The following UBR2 variants were observed in gnomAD, a reference collection of about 807,000 sequenced individuals.
UBR2 encodes E3 ubiquitin-protein ligase UBR2.
In UBR2, 92 loss-of-function variants were observed where a neutral mutation model predicts 247.9. That is an observed-to-expected ratio of 0.37 (90% CI 0.31 to 0.44). The LOEUF (loss-of-function observed/expected upper bound fraction) is 0.44, where lower values mean the gene tolerates loss of function less well. Among genes scored for constraint, UBR2 ranks in the 20% least tolerant of loss-of-function variants. The pLI is 1.00. For synonymous variants in UBR2, 672 were observed against 693.5 expected (o/e 0.97, Z 0.49); for missense variants, 1,613 against 2,112.6 (o/e 0.76, Z 4.64).
At chr6:42,589,475 G>C (rs987230664) in intron 2 of UBR2, among the ~76,000 whole-genome samples, 2 of 152,082 alleles carry the variant, frequency 1.3e-5, no homozygotes, top group African/African-American at 4.8e-5. Flanking sequence ...TTCTTGAATT[G>C]TCTATATCTG....
chr6:42,667,624 C>T (rs1410776026), intron 34 of UBR2, among the ~76,000 whole-genome samples: 3 of 84,830 alleles, frequency 3.5e-5, no homozygotes, highest in African/African-American at 1.4e-4. Flanking sequence ...GATGGAATCT[C>T]GTGCTGTCGC....
At chr6:42,610,747 C>G (rs544976125) in intron 7 of UBR2, among the ~76,000 whole-genome samples, 23 of 151,982 alleles carry the variant, frequency 1.5e-4, no homozygotes, top group African/African-American at 5.3e-4. Context: ...TTGCAAGATA[C>G]AGAATTCTGG....
intron 1 of UBR2, 127 bp downstream of exon 1, chr6:42,564,524 C>T (rs1790663602): frequency 2.7e-6 from 3 of 1,110,898 alleles, no homozygotes; most frequent in Admixed American, 5.7e-5. Context: ...CGGCCCTCGC[C>T]TTGTGGGGTA....
In UBR2 at chr6:42,662,238, G is replaced by A; in HGVS notation, c.3497G>A (p.Ser1166Asn). 1 of 1,611,514 alleles carries A rather than the reference G, an allele frequency of 6.2e-7. No individual in the cohort carries two copies. Among genetic ancestry groups the A allele is most frequent in the South Asian group, 1.1e-5 (1 of 90,544 alleles). ...GATCTGTCTTGTGGAACACACACTA[G>A]TAGCTGTGGGCACATTATGCATGCC... ...HPDLSCGTHTSSCGHIMHAHC... is the reference protein window; with the variant it reads ...HPDLSCGTHTNSCGHIMHAHC... The change falls in exon 31 of 47, where the codon AGT (serine) becomes AAT (asparagine). Residue 1166 changes from serine to asparagine, a missense_variant. Around this residue, in one of 3 missense-constraint regions of UBR2, gnomAD observed 1,524 missense variants for 1,967.3 expected, o/e 0.77. Transcript: ENST00000372901.
At chr6:42,648,066 AG>A in intron 21 of UBR2, 51 bp from the exon 22 acceptor site, 1 of 1,441,450 alleles carries the variant, frequency 6.9e-7, no homozygotes, top group Non-Finnish European at 9.7e-7. Context: ...CAATGCTAAG[AG>A]TGCTAGTAGT....
At chr6:42,626,440 G>C (rs1795353245) in intron 11 of UBR2, among the ~76,000 whole-genome samples, 1 of 152,212 alleles carries the variant, frequency 6.6e-6, no homozygotes. Context: ...CTTTACAGAA[G>C]GGAAATGTAT....
chr6:42,623,775 A>G (rs374279686), intron 11 of UBR2, among the ~76,000 whole-genome samples: 301 of 152,214 alleles, frequency 2.0e-3, no homozygotes, highest in African/African-American at 6.8e-3. Flanking sequence ...TAAATCATGA[A>G]TATGTGTTTA....
chr6:42,668,018 C>T (rs1798224636), intron 34 of UBR2, among the ~76,000 whole-genome samples: 1 of 152,060 alleles, frequency 6.6e-6, no homozygotes, highest in Admixed American at 6.6e-5. Flanking sequence ...CTCAGCCTCC[C>T]AAAGTGCTGG....
chr6:42,612,938 T>C lies in UBR2; in HGVS notation c.985+647T>C, dbSNP rs530153162. ...CAACATGGCAAAACCTCATCTCTAC[T>C]AAAAATACAAAAATTAGCCAGGCGT... On this transcript the variant is annotated intron_variant, in intron 8 of 46. Transcript: ENST00000372901. 3.3e-5 allele frequency among the ~76,000 whole-genome samples: 5 copies of C among 152,184 alleles called. No homozygotes were observed. In the East Asian group the frequency reaches 9.6e-4, roughly 29 times the overall value.
chr6:42,608,271 G>A (rs899620460), intron 7 of UBR2, among the ~76,000 whole-genome samples: 7 of 152,108 alleles, frequency 4.6e-5, no homozygotes, highest in Admixed American at 1.3e-4. Context: ...GTATATAAGA[G>A]GGCCTGTTTC....
At chr6:42,681,680 A>G (rs73424471) in intron 42 of UBR2, among the ~76,000 whole-genome samples, 2,253 of 152,324 alleles carry the variant, frequency 0.015, 43 homozygotes, top group African/African-American at 0.053. Context: ...ACTACGGAAG[A>G]CAGCATGACA....
At chr6:42,663,604 G>C (rs1312181523) in intron 32 of UBR2, among the ~76,000 whole-genome samples, 185 bp downstream of exon 32, 1 of 152,146 alleles carries the variant, frequency 6.6e-6, no homozygotes, top group Non-Finnish European at 1.5e-5. Flanking sequence ...AGAGGAACAG[G>C]TGAAAATTTA....
chr6:42,673,754 A>ATTTTTGT, intron 36 of UBR2, 37 bp from the exon 37 acceptor site: 1 of 1,514,850 alleles, frequency 6.6e-7, no homozygotes, highest in Non-Finnish European at 9.1e-7. Context: ...ACTGCTTTGC[A>ATTTTTGT]TTTTTGTTTT....
At chr6:42,675,348 G>T (rs1401173665) in intron 38 of UBR2, among the ~76,000 whole-genome samples, 1 of 152,154 alleles carries the variant, frequency 6.6e-6, no homozygotes, top group Non-Finnish European at 1.5e-5. Flanking sequence ...ACTGAGGCCT[G>T]ATCAGAGATA....
chr6:42,688,933 G>A (rs1799601848), intron 45 of UBR2, among the ~76,000 whole-genome samples: 2 of 152,144 alleles, frequency 1.3e-5, no homozygotes, highest in East Asian at 1.9e-4. Flanking sequence ...AATAAAGCAG[G>A]GAAGGGGAAT....
chr6:42,663,517 A>G, intron 32 of UBR2, 98 bp downstream of exon 32: 2 of 1,259,748 alleles, frequency 1.6e-6, no homozygotes, highest in Non-Finnish European at 2.1e-6. Context: ...AGGCAATTGC[A>G]TAGTGTTTTC....
Position 42,655,667 on chromosome 6 carries a change from T to C in UBR2, c.2816T>C (p.Leu939Ser). Residue 939 changes from leucine to serine, a missense_variant, in exon 26 of 47, where the codon TTA (leucine) becomes TCA (serine). Transcript: ENST00000372901. ...GCACTACAAGAAGAAAAACAACATT[T>C]AGAGAATGTCACGGAAGAGCATGTA... ...GMALQEEKQH[L>S]ENVTEEHVVT... The C allele has an allele frequency of 3.8e-6, 6 of 1,560,214 alleles. No homozygotes were observed. Among genetic ancestry groups the C allele is most frequent in the Non-Finnish European group, 5.2e-6 (6 of 1,163,372 alleles).
chr6:42,617,662 T>C (rs1161568024), intron 11 of UBR2, among the ~76,000 whole-genome samples, 155 bp downstream of exon 11: 1 of 152,210 alleles, frequency 6.6e-6, no homozygotes, highest in African/African-American at 2.4e-5. Context: ...TACTAGAATA[T>C]AACCTTGAAT....
chr6:42,609,121 A>T (rs1793901974), intron 7 of UBR2, among the ~76,000 whole-genome samples: 1 of 152,242 alleles, frequency 6.6e-6, no homozygotes, highest in South Asian at 2.1e-4. Flanking sequence ...GAAGAGATGC[A>T]AAGACTGGGA....
Sources: allele counts gnomAD v4.1 joint callset (sites outside exome capture counted in the v4.1 genomes callset), GRCh38; gene constraint gnomAD v4.1.1; regional missense constraint gnomAD v4.1.1; transcripts MANE v1.5; gene names NCBI Gene and HGNC (gene_info 2026-07-23, HGNC 2026-07-21).